The following RPS6KC1 variants were observed in gnomAD, a reference collection of about 807,000 sequenced individuals.
The protein encoded by RPS6KC1 is inactive ribosomal protein S6 kinase delta-1.
Under a neutral mutation model 103.8 loss-of-function variants are expected in RPS6KC1, and 54 were observed. The ratio of observed to expected loss-of-function variants is 0.52; its 90% CI spans 0.42 to 0.65. RPS6KC1 has a LOEUF of 0.65. RPS6KC1 is among the 30% of genes least tolerant of loss of function. The pLI is 0.00. For synonymous variants in RPS6KC1, 439 were observed against 438.7 expected (o/e 1.00, Z -0.01); for missense variants, 1,151 against 1,253.8 (o/e 0.92, Z 1.24).
the RPS6KC1 span, among the ~76,000 whole-genome samples, chr1:213,663,642 A>G: frequency 2.0e-5 from 3 of 152,192 alleles, no homozygotes; most frequent in South Asian, 6.2e-4. Context: ...TTCTTTCTCT[A>G]TTCCTCTCTG....
the RPS6KC1 span, among the ~76,000 whole-genome samples, chr1:213,374,672 A>T: frequency 6.6e-6 from 1 of 152,372 alleles, no homozygotes; most frequent in Admixed American, 6.5e-5. Flanking sequence ...CCACGTGGAA[A>T]GGTGGTAGAA....
the RPS6KC1 span, among the ~76,000 whole-genome samples, chr1:213,748,115 A>G: frequency 2.6e-5 from 4 of 152,148 alleles, no homozygotes; most frequent in African/African-American, 9.7e-5. Context: ...AGCATCACTG[A>G]TATTGGAAGT....
the RPS6KC1 span, among the ~76,000 whole-genome samples, chr1:213,326,212 AG>A: frequency 6.6e-6 from 1 of 152,184 alleles, no homozygotes; most frequent in Non-Finnish European, 1.5e-5. Flanking sequence ...AGAAAAAAAA[AG>A]AAAAAAGAAA....
At chr1:213,748,851 GT>G in the RPS6KC1 span, among the ~76,000 whole-genome samples, 6 of 152,162 alleles carry the variant, frequency 3.9e-5, no homozygotes, top group Non-Finnish European at 7.3e-5. Context: ...TGACTAACAT[GT>G]TTACTGACAA....
the RPS6KC1 span, among the ~76,000 whole-genome samples, chr1:213,593,607 G>A: frequency 6.6e-6 from 1 of 152,148 alleles, no homozygotes; most frequent in Admixed American, 6.5e-5. Flanking sequence ...TAGGGAGGAG[G>A]TGAATTTGGA....
the RPS6KC1 span, among the ~76,000 whole-genome samples, chr1:213,342,164 C>G: frequency 6.6e-6 from 1 of 152,172 alleles, no homozygotes; most frequent in Non-Finnish European, 1.5e-5. Context: ...GAGTCAGATT[C>G]CAGCTGACCT....
the RPS6KC1 span, among the ~76,000 whole-genome samples, chr1:213,834,993 AC>A: frequency 6.6e-6 from 1 of 152,164 alleles, no homozygotes; most frequent in African/African-American, 2.4e-5. Flanking sequence ...AAATGAAAAA[AC>A]ACCAGACACT....
intron 3 of RPS6KC1, among the ~76,000 whole-genome samples, chr1:213,091,928 G>A (rs367994869): frequency 4.6e-5 from 7 of 151,446 alleles, no homozygotes; most frequent in African/African-American, 1.4e-4. Context: ...GCTTTATCAA[G>A]GACATTCTAA....
chr1:213,382,957 C>G, the RPS6KC1 span, among the ~76,000 whole-genome samples: 1 of 152,194 alleles, frequency 6.6e-6, no homozygotes, highest in Non-Finnish European at 1.5e-5. Context: ...TTATCATGGT[C>G]AAATAAATCG....
intron 8 of RPS6KC1, among the ~76,000 whole-genome samples, chr1:213,211,163 A>C (rs997023423): frequency 2.6e-5 from 4 of 152,250 alleles, no homozygotes; most frequent in African/African-American, 9.6e-5. Context: ...ATTTTCATCT[A>C]AATTTAACAG....
At chr1:213,508,394 C>T in the RPS6KC1 span, among the ~76,000 whole-genome samples, 2 of 152,172 alleles carry the variant, frequency 1.3e-5, no homozygotes, top group African/African-American at 4.8e-5. Context: ...ATTTGGCCCC[C>T]AGAAAGAGCA....
At chr1:213,079,230 T>C (rs1389562085) in intron 3 of RPS6KC1, among the ~76,000 whole-genome samples, 1 of 152,174 alleles carries the variant, frequency 6.6e-6, no homozygotes, top group Non-Finnish European at 1.5e-5. Flanking sequence ...CTTTTGCTGT[T>C]ACAAATAACA....
the RPS6KC1 span, among the ~76,000 whole-genome samples, chr1:213,403,727 T>C: frequency 3.4e-3 from 511 of 152,240 alleles, 6 homozygotes; most frequent in African/African-American, 0.012. Flanking sequence ...AAGATGGAGG[T>C]GCCAGTTCAT....
the RPS6KC1 span, among the ~76,000 whole-genome samples, chr1:213,459,468 T>C: frequency 6.6e-6 from 1 of 152,130 alleles, no homozygotes; most frequent in Non-Finnish European, 1.5e-5. Flanking sequence ...TTATGGTGTC[T>C]ATTTGATTAT....
intron 7 of RPS6KC1, among the ~76,000 whole-genome samples, chr1:213,174,670 CAAAAAAAAA>C (rs370278907): frequency 2.3e-5 from 1 of 43,376 alleles, no homozygotes; most frequent in Admixed American, 2.2e-4. Flanking sequence ...AACTCCATCT[CAAAAAAAAA>C]AAAAAAAAAA....
chr1:213,053,868 G>A (rs1449112800), intron 1 of RPS6KC1, among the ~76,000 whole-genome samples: 2 of 149,290 alleles, frequency 1.3e-5, no homozygotes, highest in Non-Finnish European at 3.0e-5. Flanking sequence ...GCGTAGTCTC[G>A]CTCTCTTGCC....
chr1:213,281,311 C>T, the RPS6KC1 span, among the ~76,000 whole-genome samples: 1 of 152,224 alleles, frequency 6.6e-6, no homozygotes. Context: ...GGAAAGGGGA[C>T]ACTGGATAGA....
chr1:213,700,239 TA>T, the RPS6KC1 span, among the ~76,000 whole-genome samples: 2 of 151,994 alleles, frequency 1.3e-5, no homozygotes, highest in Non-Finnish European at 2.9e-5. Flanking sequence ...TGGTGAGAGA[TA>T]GGGGTTTCGT....
intron 6 of RPS6KC1, among the ~76,000 whole-genome samples, chr1:213,151,700 G>A (rs533830711): frequency 0.011 from 1,233 of 113,386 alleles, 28 homozygotes; most frequent in Non-Finnish European, 0.016. Flanking sequence ...CTCACCTCCC[G>A]GACGGGGCGG....
Sources: gnomAD v4.1 joint callset for allele counts (sites outside exome capture counted in the v4.1 genomes callset) on GRCh38, gnomAD v4.1.1 for gene constraint, MANE v1.5 for transcripts, NCBI Gene and HGNC (gene_info 2026-07-23, HGNC 2026-07-21) for gene names.